Variants in CLEC7A observed in about 807,000 individuals in gnomAD.
CLEC7A encodes C-type lectin domain family 7 member A.
CLEC7A carries 25 observed loss-of-function variants against 26.9 expected under a neutral mutation model. That is an observed-to-expected ratio of 0.93 (90% CI 0.68 to 1.30). CLEC7A has a LOEUF of 1.30. CLEC7A is among the 50% of genes most tolerant of loss of function. The probability of loss-of-function intolerance (pLI) is 0.00; values close to 1 mark genes in which losing one functional copy is unlikely to be tolerated. For missense variants in CLEC7A, 275 were observed against 286.7 expected (o/e 0.96, Z 0.29); for synonymous variants, 100 against 99.5 (o/e 1.01, Z -0.03).
Position 10,130,038 on chromosome 12 carries a change from A to G in CLEC7A, c.45T>C (p.Tyr15=), listed in dbSNP as rs1285488514. 6.2e-7 allele frequency: 1 copy of G among 1,610,884 alleles called. No homozygotes were observed. Among genetic ancestry groups the G allele is most frequent in the African/African-American group, 1.3e-5 (1 of 74,852 alleles). The change falls in exon 1 of 6, where the codon TAT becomes TAC. Residue 15 remains tyrosine, a synonymous_variant. Transcript: ENST00000304084. ...TTTGAGAGTCGAAGTGTAATTGAGT[A>G]TATCCATCTTCATCCAAATTTTCTA... ...PDLENLDEDG[Y]TQLHFDSQSN...
intron 2 of CLEC7A, chr12:10,127,149 T>G: frequency 9.1e-7 from 1 of 1,093,108 alleles, no homozygotes; most frequent in South Asian, 1.5e-5. Context: ...ATGAAGACTC[T>G]CTGAAGGTGA....
intron 5 of CLEC7A, among the ~76,000 whole-genome samples, chr12:10,119,846 AAAAC>A (rs59779449): frequency 0.056 from 8,531 of 152,042 alleles, 599 homozygotes; most frequent in African/African-American, 0.16. Context: ...AGTAAAAAAA[AAAAC>A]AAACAGAAAC....
intron 3 of CLEC7A, chr12:10,126,090 T>C (rs1948273313): frequency 1.4e-6 from 1 of 696,038 alleles, no homozygotes; most frequent in South Asian, 6.4e-5. Flanking sequence ...TTCAGGGACA[T>C]GTGTATTAGG....
At chr12:10,121,591 A>G (rs1330569210) in intron 5 of CLEC7A, among the ~76,000 whole-genome samples, 2 of 152,218 alleles carry the variant, frequency 1.3e-5, no homozygotes, top group Admixed American at 1.3e-4. Flanking sequence ...AAATTAAGAA[A>G]TGCATTTCTA....
chr12:10,119,693 GGGTGAACAGACCTGGT>G (rs2137410035), intron 5 of CLEC7A, among the ~76,000 whole-genome samples: 1 of 152,240 alleles, frequency 6.6e-6, no homozygotes, highest in Non-Finnish European at 1.5e-5. Context: ...TCACACTATT[GGGTGAACAGACCTGGT>G]GGTGAGAACA....
chr12:10,129,174 A>G (rs1332370266), intron 1 of CLEC7A, among the ~76,000 whole-genome samples: 18 of 152,168 alleles, frequency 1.2e-4, no homozygotes. Context: ...ATATGTTCAT[A>G]TATTTTCCAT....
rs577457244 is a variant in CLEC7A, at chr12:10,121,749, C to T, written c.611+1496G>A. 5.3e-5 allele frequency among the ~76,000 whole-genome samples: 8 copies of T among 152,268 alleles called. No individual in the cohort carries two copies. The East Asian group carries it at 7.7e-4, about 15-fold the overall frequency. ...AAATTCATGAGGCAAGCACCCAATA[C>T]GAGAAGTTTGAGATGGAATAGCAAA... On this transcript the variant is annotated intron_variant, in intron 5 of 5. Transcript: ENST00000304084.
At chr12:10,128,085 T>G (rs1948359988) in intron 1 of CLEC7A, among the ~76,000 whole-genome samples, 2 of 150,482 alleles carry the variant, frequency 1.3e-5, no homozygotes, top group African/African-American at 4.9e-5. Flanking sequence ...GAAAAAAAAT[T>G]TAATTAGCTG....
In CLEC7A at chr12:10,130,164, G is replaced by T; in HGVS notation, c.-82C>A. 1 of 667,890 alleles carries T rather than the reference G, an allele frequency of 1.5e-6. No individual in the cohort carries two copies. The highest frequency in any genetic ancestry group is 2.7e-6 in the Non-Finnish European group (1 of 375,400). 41.4% of individuals were successfully genotyped at this position (667,890 alleles called of 1,614,324 possible). On this transcript the variant is annotated 5_prime_UTR_variant, in exon 1 of 6. Transcript: ENST00000304084. ...CTGAGATGACTGTCTGTGGACAAAA[G>T]AGAATCTCTGAGTCAAATCATGTGG...
intron 1 of CLEC7A, among the ~76,000 whole-genome samples, chr12:10,129,625 A>T (rs985464560): frequency 4.0e-5 from 6 of 151,526 alleles, no homozygotes; most frequent in Non-Finnish European, 5.9e-5. Flanking sequence ...TTTTATTTTT[A>T]TTTTTTTTCA....
At chr12:10,119,838 TA>T (rs777597817) in intron 5 of CLEC7A, among the ~76,000 whole-genome samples, 44 of 139,126 alleles carry the variant, frequency 3.2e-4, no homozygotes, top group African/African-American at 6.7e-4. Flanking sequence ...AGAAAAATAG[TA>T]AAAAAAAAAA....
At chr12:10,125,120 A>G in intron 4 of CLEC7A, 177 bp downstream of exon 4, 1 of 682,972 alleles carries the variant, frequency 1.5e-6, no homozygotes, top group Non-Finnish European at 2.6e-6. Context: ...GGATCACTTG[A>G]GCCTGGGATG....
chr12:10,128,959 T>C (rs1948400875), intron 1 of CLEC7A, among the ~76,000 whole-genome samples: 2 of 152,214 alleles, frequency 1.3e-5, no homozygotes, highest in African/African-American at 4.8e-5. Context: ...TGTATGAACA[T>C]TGCCATAACC....
At chr12:10,125,764 A>G (rs113950740) in intron 3 of CLEC7A, among the ~76,000 whole-genome samples, 105 of 152,186 alleles carry the variant, frequency 6.9e-4, no homozygotes, top group African/African-American at 2.4e-3. Flanking sequence ...TCCTTAAAAT[A>G]AGTCCACTCA....
At chr12:10,119,802 CATA>C (rs1948020626) in intron 5 of CLEC7A, among the ~76,000 whole-genome samples, 1 of 150,680 alleles carries the variant, frequency 6.6e-6, no homozygotes, top group African/African-American at 2.4e-5. Flanking sequence ...AGCAATCTGA[CATA>C]AGAGAAAACT....
chr12:10,123,193 A>G (rs1334777441), intron 5 of CLEC7A, 52 bp downstream of exon 5: 1 of 1,202,848 alleles, frequency 8.3e-7, no homozygotes, highest in Non-Finnish European at 1.2e-6. Context: ...CATAGATGAG[A>G]TGGAAACCTC....
chr12:10,125,122 C>G (rs1377443606), intron 4 of CLEC7A, 175 bp downstream of exon 4: 1 of 688,312 alleles, frequency 1.5e-6, no homozygotes, highest in Non-Finnish European at 2.6e-6. Context: ...ATCACTTGAG[C>G]CTGGGATGTC....
chr12:10,130,202 C>G (rs1948445091), upstream of CLEC7A: 3 of 550,480 alleles, frequency 5.4e-6, no homozygotes, highest in Admixed American at 3.0e-5. Context: ...TAGGTACTTA[C>G]CGGAGTTTAA....
rs930018574 is a variant in CLEC7A, at chr12:10,118,212, A to G, written c.*246T>C. The G allele has an allele frequency of 2.3e-6, 1 of 426,086 alleles. No homozygotes were observed. The highest frequency in any genetic ancestry group is 2.1e-5 in the African/African-American group (1 of 48,170). 26.4% of individuals were successfully genotyped at this position (426,086 alleles called of 1,614,324 possible). A position where few individuals can be genotyped will look rare whatever the true frequency, so the allele number is the denominator to read the frequency against. ...ATAAATAAATAAAAAATAAAAACTCAAGCTTGGCTGCCCTGATTCCATGTC... is the reference window on the plus strand; with the variant it reads ...ATAAATAAATAAAAAATAAAAACTCGAGCTTGGCTGCCCTGATTCCATGTC... On this transcript the variant is annotated 3_prime_UTR_variant, in exon 6 of 6. Transcript: ENST00000304084.
Sources: gnomAD v4.1 joint callset for allele counts (sites outside exome capture counted in the v4.1 genomes callset) on GRCh38, gnomAD v4.1.1 for gene constraint, MANE v1.5 for transcripts, NCBI Gene and HGNC (gene_info 2026-07-23, HGNC 2026-07-21) for gene names.